IL1RAPL2: variants seen among roughly 807,000 people sequenced by gnomAD.
The protein encoded by IL1RAPL2 is X-linked interleukin-1 receptor accessory protein-like 2.
In IL1RAPL2, 3 loss-of-function variants were observed where a neutral mutation model predicts 44.1. That is an observed-to-expected ratio of 0.07 (90% CI 0.03 to 0.18). IL1RAPL2 has a LOEUF of 0.18. Ranked by LOEUF, IL1RAPL2 falls within the 10% of genes least tolerant of loss-of-function variation. IL1RAPL2 has a pLI of 1.00. For missense variants in IL1RAPL2, 391 were observed against 496.4 expected (o/e 0.79, Z 2.02); for synonymous variants, 181 against 178.8 (o/e 1.01, Z -0.10).
At chrX:105,434,255 G>A (rs1195658620) in intron 5 of IL1RAPL2, among the ~76,000 whole-genome samples, 1 of 112,127 alleles carries the variant, frequency 8.9e-6, no homozygotes, top group Admixed American at 9.5e-5. Flanking sequence ...GAAGCAACTA[G>A]AGCCCTCATA....
intron 2 of IL1RAPL2, among the ~76,000 whole-genome samples, chrX:104,864,833 C>T (rs1922576664): frequency 9.0e-6 from 1 of 111,441 alleles, no homozygotes; most frequent in Non-Finnish European, 1.9e-5. Flanking sequence ...AATGATCAGA[C>T]CTTTTGTGGA....
chrX:104,769,201 A>G (rs1158631887), intron 2 of IL1RAPL2, among the ~76,000 whole-genome samples: 2 of 111,920 alleles, frequency 1.8e-5, no homozygotes, highest in Non-Finnish European at 3.8e-5. Context: ...GGATGTCTTT[A>G]GATCTCTCAA....
At chrX:105,058,835 C>A (rs1049964122) in intron 2 of IL1RAPL2, among the ~76,000 whole-genome samples, 7 of 111,685 alleles carry the variant, frequency 6.3e-5, no homozygotes, top group African/African-American at 2.3e-4. Flanking sequence ...AGGAAGATGC[C>A]ATGTCAGTTT....
intron 2 of IL1RAPL2, among the ~76,000 whole-genome samples, chrX:104,988,825 C>T (rs142714321): frequency 0.011 from 1,250 of 111,546 alleles, 20 homozygotes; most frequent in African/African-American, 0.038. Context: ...GGACATGTAC[C>T]TTTCTAATCT....
chrX:104,975,970 C>T (rs190040866), intron 2 of IL1RAPL2, among the ~76,000 whole-genome samples: 428 of 111,173 alleles, frequency 3.8e-3, no homozygotes, highest in African/African-American at 0.013. Flanking sequence ...ATATAGCTTT[C>T]TGGTGCCTGG....
At chrX:104,930,540 A>G (rs146371908) in intron 2 of IL1RAPL2, among the ~76,000 whole-genome samples, 3,556 of 111,980 alleles carry the variant, frequency 0.032, 74 homozygotes, top group South Asian at 0.049. Flanking sequence ...AGGTTGTATT[A>G]TTATCTCTGT....
intron 6 of IL1RAPL2, among the ~76,000 whole-genome samples, chrX:105,608,428 A>G (rs1175644117): frequency 8.9e-6 from 1 of 112,194 alleles, no homozygotes; most frequent in East Asian, 2.8e-4. Flanking sequence ...TAGTGAAGGA[A>G]AGAGTAAGTG....
At chrX:105,492,079 T>A (rs2036324135) in intron 6 of IL1RAPL2, among the ~76,000 whole-genome samples, 1 of 111,728 alleles carries the variant, frequency 9.0e-6, no homozygotes, top group African/African-American at 3.3e-5. Flanking sequence ...CCAAAACCAT[T>A]ATTTCATATA....
In IL1RAPL2 at chrX:105,749,055, T is replaced by C. The variant is rs369182827; in HGVS notation, c.1144T>C (p.Leu382=). The change falls in exon 9 of 11, where the codon TTG becomes CTG. Residue 382 remains leucine, a synonymous_variant. Transcript: ENST00000372582. ...VVIYKCYNIE[L]MLFYRQHFGA... is the part of the protein sequence containing the mutation. ...CATTTACAAATGCTACAACATTGAA[T>C]TGATGCTCTTCTACAGGCAGCACTT... is the stretch of plus-strand genomic sequence containing the variant. The C allele has an allele frequency of 3.0e-5, 36 of 1,208,091 alleles. No homozygotes were observed. Among genetic ancestry groups the C allele is most frequent in the Admixed American group, 1.5e-4 (7 of 45,685 alleles).
chrX:104,984,372 T>C (rs1224795622), intron 2 of IL1RAPL2, among the ~76,000 whole-genome samples: 1 of 112,030 alleles, frequency 8.9e-6, no homozygotes, highest in Non-Finnish European at 1.9e-5. Context: ...GCTTTTTTTC[T>C]CATCTGTCCT....
intron 2 of IL1RAPL2, among the ~76,000 whole-genome samples, chrX:104,951,606 A>G (rs775948166): frequency 1.1e-4 from 12 of 112,832 alleles, no homozygotes; most frequent in African/African-American, 2.9e-4. Flanking sequence ...GTTCAATTCA[A>G]CAAACATTTA....
intron 6 of IL1RAPL2, among the ~76,000 whole-genome samples, chrX:105,573,309 T>C (rs1011841885): frequency 9.0e-6 from 1 of 111,475 alleles, no homozygotes; most frequent in Admixed American, 9.5e-5. Flanking sequence ...TTCACCTGCT[T>C]CAGCCTCCCA....
chrX:104,716,857 A>C (rs1327628871), intron 2 of IL1RAPL2, among the ~76,000 whole-genome samples: 1 of 112,190 alleles, frequency 8.9e-6, no homozygotes, highest in African/African-American at 3.2e-5. Flanking sequence ...TGTATGTGAC[A>C]GTGTGACACT....
At chrX:105,332,070 TC>T (rs1384104342) in intron 5 of IL1RAPL2, among the ~76,000 whole-genome samples, 1 of 108,597 alleles carries the variant, frequency 9.2e-6, no homozygotes, top group Non-Finnish European at 1.9e-5. Flanking sequence ...ACCAGAACAA[TC>T]CAAATGAATA....
intron 2 of IL1RAPL2, among the ~76,000 whole-genome samples, chrX:104,881,755 G>C (rs1422615565): frequency 9.0e-6 from 1 of 111,688 alleles, no homozygotes; most frequent in Non-Finnish European, 1.9e-5. Context: ...AGGAGTTACT[G>C]GTTGCTCTCT....
chrX:104,674,566 A>G (rs376104107), intron 2 of IL1RAPL2, among the ~76,000 whole-genome samples: 2 of 110,629 alleles, frequency 1.8e-5, no homozygotes, highest in Non-Finnish European at 3.8e-5. Context: ...CTCTTTTTTT[A>G]TTGTGTCTCT....
intron 2 of IL1RAPL2, among the ~76,000 whole-genome samples, chrX:105,171,485 C>T (rs2033422569): frequency 9.0e-6 from 1 of 110,948 alleles, no homozygotes; most frequent in Non-Finnish European, 1.9e-5. Context: ...AACTCCACAT[C>T]CCCCTGTAGC....
At chrX:105,130,902 G>C (rs1014744385) in intron 2 of IL1RAPL2, among the ~76,000 whole-genome samples, 1 of 111,304 alleles carries the variant, frequency 9.0e-6, no homozygotes, top group Non-Finnish European at 1.9e-5. Context: ...CTCTAATAAA[G>C]TGGATATTCT....
chrX:104,847,420 G>A (rs865861352), intron 2 of IL1RAPL2, among the ~76,000 whole-genome samples: 4 of 111,654 alleles, frequency 3.6e-5, no homozygotes, highest in African/African-American at 1.3e-4. Context: ...TGGCTAGCCA[G>A]TTTTCCCAGC....
Sources: allele counts gnomAD v4.1 joint callset (sites outside exome capture counted in the v4.1 genomes callset), GRCh38; gene constraint gnomAD v4.1.1; transcripts MANE v1.5; gene names NCBI Gene and HGNC (gene_info 2026-07-23, HGNC 2026-07-21).